TRIO: variants seen among roughly 807,000 people sequenced by gnomAD.
TRIO encodes the protein triple functional domain protein.
Under a neutral mutation model 351.9 loss-of-function variants are expected in TRIO, and 58 were observed. That is an observed-to-expected ratio of 0.16 (90% confidence interval 0.13 to 0.21). TRIO has a LOEUF of 0.21. Among genes scored for constraint, TRIO ranks in the 10% least tolerant of loss-of-function variants. TRIO has a pLI of 1.00. For synonymous variants in TRIO, 1,758 were observed against 1,595.7 expected (o/e 1.10, Z -2.42); for missense variants, 3,201 against 4,027.8 (o/e 0.79, Z 5.56).
At position 14,489,036 on chromosome 5, in the gene TRIO, T is replaced by A. The variant is rs755643915; in HGVS notation, c.7632+776T>A. On this transcript the variant is annotated intron_variant, in intron 48 of 56. Coordinates refer to ENST00000344204, the MANE Select transcript of TRIO (RefSeq NM_007118.4). The stretch of plus-strand genomic sequence containing the variant: ...ACCCACCTGTTTCCTACAGGGCAGA[T>A]GGCCTGGCCCGTAACACTTTCCTGA... 20 of 765,336 alleles carry A rather than the reference T, an allele frequency of 2.6e-5. No homozygotes were observed. The South Asian group carries it at 2.7e-4, about 10-fold the overall frequency. The allele number at this position is 765,336 out of a possible 1,614,324, so 47.4% of individuals were successfully genotyped here.
intron 34 of TRIO, among the ~76,000 whole-genome samples, chr5:14,455,316 T>C (rs561679684): frequency 2.0e-5 from 3 of 152,338 alleles, no homozygotes; most frequent in South Asian, 2.1e-4. Flanking sequence ...AGGGTGCTGA[T>C]TGGTGCGTTT....
At chr5:14,229,091 A>G (rs918566753) in intron 1 of TRIO, among the ~76,000 whole-genome samples, 5 of 152,222 alleles carry the variant, frequency 3.3e-5, no homozygotes, top group Non-Finnish European at 7.3e-5. Context: ...ATTATGATAT[A>G]TATAGATTTA....
chr5:14,500,335 G>A (rs1757196119), intron 53 of TRIO, among the ~76,000 whole-genome samples: 1 of 152,174 alleles, frequency 6.6e-6, no homozygotes, highest in Non-Finnish European at 1.5e-5. Flanking sequence ...AAGCTGTCTG[G>A]GGTGTGCGCC....
intron 34 of TRIO, among the ~76,000 whole-genome samples, chr5:14,440,037 T>G (rs1283450240): frequency 6.6e-6 from 1 of 152,194 alleles, no homozygotes; most frequent in Non-Finnish European, 1.5e-5. Flanking sequence ...AACCAAAATT[T>G]TAACTTTTTT....
At chr5:14,393,953 A>G in intron 27 of TRIO, 85 bp from the exon 28 acceptor site, 3 of 832,194 alleles carry the variant, frequency 3.6e-6, no homozygotes, top group South Asian at 2.1e-5. Context: ...CAGGTACAGT[A>G]TTTGGAAAAG....
chr5:14,369,017 C>A, intron 17 of TRIO, 118 bp downstream of exon 17: 1 of 1,298,596 alleles, frequency 7.7e-7, no homozygotes, highest in Non-Finnish European at 1.1e-6. Flanking sequence ...AGTTGCCAGT[C>A]AAGCAGGGAA....
chr5:14,149,176 C>A (rs1787682288), intron 1 of TRIO, among the ~76,000 whole-genome samples: 1 of 152,158 alleles, frequency 6.6e-6, no homozygotes, highest in Admixed American at 6.5e-5. Context: ...CTGGTCTCCT[C>A]CCCCTGTGCC....
At chr5:14,345,072 A>G (rs1742294407) in intron 11 of TRIO, among the ~76,000 whole-genome samples, 1 of 152,238 alleles carries the variant, frequency 6.6e-6, no homozygotes, top group Non-Finnish European at 1.5e-5. Flanking sequence ...ATCTGAAAGG[A>G]AAGTCCTTTT....
In TRIO at chr5:14,324,783, A is replaced by G. The variant is rs568572091; in HGVS notation, c.1732-5995A>G. On this transcript the variant is annotated intron_variant, in intron 9 of 56. Transcript: ENST00000344204. The stretch of plus-strand genomic sequence containing the variant: ...GAATTCAGAATTTCTCAAAGATTAG[A>G]AAAGTAACACAGTGTACAATACTAA... Among the ~76,000 whole-genome samples, 157 of 152,332 alleles carry G rather than the reference A, an allele frequency of 1.0e-3. 2 individuals are homozygous for G. Among genetic ancestry groups the G allele is most frequent in the Non-Finnish European group, 1.7e-3 (117 of 68,018 alleles).
intron 11 of TRIO, among the ~76,000 whole-genome samples, chr5:14,340,397 G>GAA (rs33944910): frequency 0.013 from 1,652 of 131,436 alleles, 42 homozygotes; most frequent in African/African-American, 0.043. Flanking sequence ...ACTCCGTCTG[G>GAA]AAAAAAAAAA....
At chr5:14,423,042 G>T (rs769670600) in intron 34 of TRIO, among the ~76,000 whole-genome samples, 1 of 152,242 alleles carries the variant, frequency 6.6e-6, no homozygotes, top group Non-Finnish European at 1.5e-5. Flanking sequence ...GCCAGCCTTC[G>T]TGTCTGATGG....
intron 48 of TRIO, among the ~76,000 whole-genome samples, chr5:14,490,075 G>A (rs1756369623): frequency 6.6e-6 from 1 of 152,152 alleles, no homozygotes; most frequent in Admixed American, 6.5e-5. Context: ...TCAGGAGTTC[G>A]AGGCCAGCAT....
At chr5:14,143,938 C>T in intron 1 of TRIO, 56 bp downstream of exon 1, 1 of 1,030,722 alleles carries the variant, frequency 9.7e-7, no homozygotes, top group South Asian at 4.5e-5. Context: ...GCTCGGCCGA[C>T]CCGCCGCGGA....
intron 53 of TRIO, among the ~76,000 whole-genome samples, chr5:14,500,049 TCAAAAA>T (rs1757166966): frequency 1.3e-5 from 1 of 77,108 alleles, no homozygotes. Flanking sequence ...AGACTCTGTC[TCAAAAA>T]AAAAAAAAAA....
At chr5:14,468,000 A>G (rs1393328111) in intron 37 of TRIO, among the ~76,000 whole-genome samples, 1 of 152,222 alleles carries the variant, frequency 6.6e-6, no homozygotes. Context: ...TTAAATGACC[A>G]TTAAAATCAT....
chr5:14,317,900 G>C (rs931352568), intron 9 of TRIO, among the ~76,000 whole-genome samples: 12 of 152,112 alleles, frequency 7.9e-5, no homozygotes, highest in South Asian at 2.1e-4. Flanking sequence ...GCCAAGGGGG[G>C]TGGATCACCT....
intron 34 of TRIO, among the ~76,000 whole-genome samples, chr5:14,423,594 C>T (rs1561474239): frequency 6.6e-6 from 1 of 152,206 alleles, no homozygotes; most frequent in Non-Finnish European, 1.5e-5. Flanking sequence ...AGTCGCCCTA[C>T]ACAATGGTCC....
chr5:14,317,771 G>A (rs1264017329), intron 9 of TRIO, among the ~76,000 whole-genome samples: 1 of 151,836 alleles, frequency 6.6e-6, no homozygotes, highest in Non-Finnish European at 1.5e-5. Context: ...ATGGCAGATC[G>A]CTTGACGCCA....
intron 15 of TRIO, among the ~76,000 whole-genome samples, chr5:14,366,310 C>T (rs1348978785): frequency 6.6e-6 from 1 of 152,168 alleles, no homozygotes; most frequent in Admixed American, 6.5e-5. Context: ...TTAGAATTTA[C>T]TTCCTCTGAG....
Sources: allele counts gnomAD v4.1 joint callset (sites outside exome capture counted in the v4.1 genomes callset), GRCh38; gene constraint gnomAD v4.1.1; transcripts MANE v1.5; gene names NCBI Gene and HGNC (gene_info 2026-07-23, HGNC 2026-07-21).